Variants in EPB41 observed in about 807,000 individuals in gnomAD.
EPB41 encodes the protein protein 4.1.
A neutral mutation model predicts 108.0 loss-of-function variants in EPB41; 65 were observed. The ratio of observed to expected loss-of-function variants is 0.60; its 90% CI spans 0.49 to 0.74. The LOEUF (loss-of-function observed/expected upper bound fraction) is 0.74. EPB41 is among the 30% of genes least tolerant of loss of function. The probability of loss-of-function intolerance (pLI) is 0.00; values close to 1 mark genes in which losing one functional copy is unlikely to be tolerated. For synonymous variants in EPB41, 336 were observed against 358.9 expected (o/e 0.94, Z 0.72); for missense variants, 875 against 1,037.0 (o/e 0.84, Z 2.15).
intron 1 of EPB41, among the ~76,000 whole-genome samples, chr1:28,969,588 AC>A (rs1325685565): frequency 6.7e-6 from 1 of 148,498 alleles, no homozygotes; most frequent in African/African-American, 2.5e-5. Context: ...ACACGGTGAA[AC>A]CCCGTCTGTA....
chr1:29,053,067 C>G (rs766543110), intron 11 of EPB41, 37 bp from the exon 12 acceptor site: 1 of 1,607,034 alleles, frequency 6.2e-7, no homozygotes, highest in African/African-American at 1.3e-5. Context: ...GTAGCTCTGG[C>G]CTTTACTTAT....
At chr1:28,891,764 T>G (rs2090134499) in intron 1 of EPB41, among the ~76,000 whole-genome samples, 1 of 152,116 alleles carries the variant, frequency 6.6e-6, no homozygotes, top group Non-Finnish European at 1.5e-5. Flanking sequence ...AGATGCTTTA[T>G]CCAGGAGTTG....
chr1:28,892,589 C>T (rs551861832), intron 1 of EPB41, among the ~76,000 whole-genome samples: 31 of 151,944 alleles, frequency 2.0e-4, no homozygotes, highest in African/African-American at 5.8e-4. Flanking sequence ...GTGGCATGCG[C>T]CTATAATCCC....
chr1:29,061,370 C>T (rs2150950028), intron 15 of EPB41, among the ~76,000 whole-genome samples: 1 of 152,042 alleles, frequency 6.6e-6, no homozygotes, highest in African/African-American at 2.4e-5. Flanking sequence ...CCCGGGTTCA[C>T]GCCATTCTGC....
chr1:29,030,227 A>G (rs1025780246), intron 7 of EPB41, among the ~76,000 whole-genome samples, 173 bp from the exon 8 acceptor site: 3 of 152,210 alleles, frequency 2.0e-5, no homozygotes, highest in Admixed American at 1.3e-4. Flanking sequence ...TTATTTAGAT[A>G]CAGGCAGTGA....
At chr1:29,040,267 C>CT (rs895477393) in intron 11 of EPB41, among the ~76,000 whole-genome samples, 33 of 147,676 alleles carry the variant, frequency 2.2e-4, no homozygotes, top group African/African-American at 3.2e-4. Flanking sequence ...CTACAACAAT[C>CT]TTTTTTTTTT....
At chr1:28,897,366 T>A (rs2090776842) in intron 1 of EPB41, among the ~76,000 whole-genome samples, 1 of 151,834 alleles carries the variant, frequency 6.6e-6, no homozygotes, top group Non-Finnish European at 1.5e-5. Flanking sequence ...CTAGGGAACA[T>A]GGAGCAACCC....
At chr1:29,080,780 A>G (rs1036370792) in intron 16 of EPB41, among the ~76,000 whole-genome samples, 7 of 152,210 alleles carry the variant, frequency 4.6e-5, no homozygotes, top group African/African-American at 1.7e-4. Flanking sequence ...AGCTGAGTAA[A>G]TTAATTATTC....
chr1:28,981,021 T>C (rs1250412523), intron 1 of EPB41, among the ~76,000 whole-genome samples: 1 of 152,090 alleles, frequency 6.6e-6, no homozygotes, highest in East Asian at 1.9e-4. Flanking sequence ...GATCTGCCCA[T>C]CTCAGCCTCC....
chr1:28,979,097 T>C (rs2149406329), intron 1 of EPB41, among the ~76,000 whole-genome samples: 1 of 151,682 alleles, frequency 6.6e-6, no homozygotes. Flanking sequence ...CTGAATGTCA[T>C]TCCTTTTACT....
chr1:28,981,861 TTTATTTTTA>T (rs957789485), intron 1 of EPB41, among the ~76,000 whole-genome samples: 2 of 151,038 alleles, frequency 1.3e-5, no homozygotes, highest in African/African-American at 4.8e-5. Flanking sequence ...CTTTTTAATT[TTTATTTTTA>T]TTATTTTTAT....
At chr1:29,110,854 G>A (rs555989676) in intron 18 of EPB41, among the ~76,000 whole-genome samples, 4 of 152,168 alleles carry the variant, frequency 2.6e-5, no homozygotes, top group Non-Finnish European at 4.4e-5. Context: ...TGACATATTT[G>A]TTCATAGCCT....
rs1012437533 is a variant in EPB41 at position 29,119,650 on chromosome 1, G to C, written c.*2838G>C. The C allele has an allele frequency of 4.6e-5, 7 of 152,628 alleles. No homozygotes were observed. Among genetic ancestry groups the C allele is most frequent in the African/African-American group, 1.7e-4 (7 of 41,426 alleles). 9.5% of individuals were successfully genotyped at this position (152,628 alleles called of 1,614,324 possible). ...GTGTTGGGGGGATGCTTGGCAGCTG[G>C]GGGTGAGGAGACAACAAACCTCGGG... On this transcript the variant is annotated 3_prime_UTR_variant, in exon 21 of 21. Transcript: ENST00000343067.
At chr1:29,030,352 G>C (rs759902470) in intron 7 of EPB41, 48 bp from the exon 8 acceptor site, 5 of 1,382,056 alleles carry the variant, frequency 3.6e-6, no homozygotes, top group Non-Finnish European at 5.2e-6. Context: ...TACTGTAAAT[G>C]ATGACACTAT....
intron 12 of EPB41, chr1:29,053,651 G>A (rs749894292): frequency 2.1e-5 from 5 of 238,552 alleles, no homozygotes; most frequent in East Asian, 1.1e-4. Context: ...ACTCCGCCTC[G>A]TGGGTTCATG....
At chr1:28,972,636 G>A (rs1472496006) in intron 1 of EPB41, among the ~76,000 whole-genome samples, 1 of 151,040 alleles carries the variant, frequency 6.6e-6, no homozygotes, top group Non-Finnish European at 1.5e-5. Flanking sequence ...GTCTTGCTCT[G>A]TTGCCCAGGC....
intron 16 of EPB41, among the ~76,000 whole-genome samples, chr1:29,085,979 T>C (rs549729381): frequency 3.9e-5 from 6 of 152,340 alleles, no homozygotes; most frequent in African/African-American, 1.4e-4. Flanking sequence ...TACTTTTTTC[T>C]TTTAGAAGCC....
chr1:28,955,430 C>T (rs929437739), intron 1 of EPB41, among the ~76,000 whole-genome samples: 1 of 151,972 alleles, frequency 6.6e-6, no homozygotes, highest in Non-Finnish European at 1.5e-5. Flanking sequence ...CAACCTCTGT[C>T]TCCCGGGTCC....
intron 1 of EPB41, among the ~76,000 whole-genome samples, chr1:28,978,966 G>A (rs908065167): frequency 2.6e-5 from 4 of 151,366 alleles, no homozygotes; most frequent in African/African-American, 9.8e-5. Flanking sequence ...GGACTTCTCA[G>A]CCACCACAAT....
Sources: allele counts gnomAD v4.1 joint callset (sites outside exome capture counted in the v4.1 genomes callset), GRCh38; gene constraint gnomAD v4.1.1; transcripts MANE v1.5; gene names NCBI Gene and HGNC (gene_info 2026-07-23, HGNC 2026-07-21).